The following LYST variants were observed in gnomAD, a reference collection of about 807,000 sequenced individuals.
LYST encodes lysosomal-trafficking regulator.
LYST carries 192 observed loss-of-function variants against 413.6 expected under a neutral mutation model. The ratio of observed to expected loss-of-function variants is 0.46; its 90% confidence interval spans 0.41 to 0.52. The LOEUF is 0.52. LYST is among the 20% of genes least tolerant of loss of function. LYST has a pLI of 0.00. For missense variants in LYST, 3,815 were observed against 4,499.9 expected (o/e 0.85, Z 4.35); for synonymous variants, 1,525 against 1,567.3 (o/e 0.97, Z 0.64).
chr1:235,690,243 T>C (rs1026163393), intron 47 of LYST, among the ~76,000 whole-genome samples: 21 of 152,270 alleles, frequency 1.4e-4, no homozygotes, highest in African/African-American at 5.1e-4. Context: ...CAGTGTATTT[T>C]GACAGGTAGA....
chr1:235,751,144 A>C, intron 28 of LYST, 66 bp downstream of exon 28: 1 of 1,428,264 alleles, frequency 7.0e-7, no homozygotes, highest in Admixed American at 1.7e-5. Flanking sequence ...TGTGAATGGC[A>C]TAAGAACATA....
At chr1:235,738,111 G>C in intron 31 of LYST, 2 of 1,607,576 alleles carry the variant, frequency 1.2e-6, no homozygotes, top group Non-Finnish European at 1.7e-6. Flanking sequence ...CTGTGCCATC[G>C]GTATCTTAAT....
chr1:235,830,271 A>G lies in LYST; in HGVS notation c.147T>C (p.Gly49=), dbSNP rs1390414458. The G allele has an allele frequency of 2.5e-5, 41 of 1,613,854 alleles. No individual in the cohort carries two copies. The highest frequency in any genetic ancestry group is 1.6e-4 in the Middle Eastern group (1 of 6,084). ...MATLGQYLVH[G]RGFLLLTKLN... is the part of the protein sequence containing the mutation. ...GCTTGGTAAGTAATAGAAATCCTCGACCATGGACAAGGTACTGTCCAAGGG... is the reference window on the plus strand; with the variant it reads ...GCTTGGTAAGTAATAGAAATCCTCGGCCATGGACAAGGTACTGTCCAAGGG... The change falls in exon 3 of 53, where the codon GGT becomes GGC. Residue 49 remains glycine (G), a synonymous_variant. Coordinates refer to ENST00000389793, the MANE Select transcript of LYST (RefSeq NM_000081.4).
Position 235,864,927 on chromosome 1 carries a change from TCAAAA to T in LYST, c.-98+1911_-98+1915del, listed in dbSNP as rs551931074. 2.5e-4 allele frequency among the ~76,000 whole-genome samples: 38 copies of T among 152,156 alleles called. No homozygotes were observed. In the East Asian group the frequency reaches 7.1e-3, roughly 29 times the overall value. On this transcript the variant is annotated intron_variant, in intron 1 of 52. Coordinates refer to ENST00000389793, the MANE Select transcript of LYST (RefSeq NM_000081.4). ...CTGGGAGACAAAGTGAGATCCTGACTCAAAACTAAAAATAAAAGGTAAGGTTCTTT... is the reference window on the plus strand; with the variant it reads ...CTGGGAGACAAAGTGAGATCCTGACTCTAAAAATAAAAGGTAAGGTTCTTT...
intron 3 of LYST, chr1:235,827,536 T>A: frequency 1.0e-6 from 1 of 979,614 alleles, no homozygotes. Context: ...TATGATTTCA[T>A]CTTAAATGAT....
Position 235,806,542 on chromosome 1 carries a change from G to A in LYST, c.2594C>T (p.Ser865Leu). The A allele has an allele frequency of 6.2e-7, 1 of 1,614,072 alleles. No individual in the cohort carries two copies. The highest frequency in any genetic ancestry group is 8.5e-7 in the Non-Finnish European group (1 of 1,179,972). Residue 865 changes from serine to leucine, a missense_variant, in exon 6 of 53, where the codon TCA becomes TTA. Physicochemically the swap from Ser to Leu is moderately radical, Grantham distance 145. Transcript: ENST00000389793. ...TTTGCTGAGACTCTGAGGAGAATCTGAATAAGCTTGCTGATGATGAAAAGA... is the reference window on the plus strand; with the variant it reads ...TTTGCTGAGACTCTGAGGAGAATCTAAATAAGCTTGCTGATGATGAAAAGA... ...GTSFHHQQAY[S>L]DSPQSLSKFY...
intron 19 of LYST, among the ~76,000 whole-genome samples, chr1:235,771,977 C>A (rs1003467928): frequency 1.0e-4 from 13 of 126,834 alleles, no homozygotes; most frequent in African/African-American, 3.9e-4. Context: ...TATCCCAGCA[C>A]TTTGGGAGGC....
chr1:235,843,153 A>G (rs1677408830), intron 1 of LYST, among the ~76,000 whole-genome samples: 1 of 151,866 alleles, frequency 6.6e-6, no homozygotes. Flanking sequence ...TTCCTTTTCA[A>G]TAAATATCAA....
chr1:235,719,197 T>C (rs368951917), intron 40 of LYST, among the ~76,000 whole-genome samples: 4 of 152,212 alleles, frequency 2.6e-5, no homozygotes, highest in African/African-American at 9.6e-5. Context: ...TTTGTATTTT[T>C]AATAGAGTTA....
intron 1 of LYST, among the ~76,000 whole-genome samples, chr1:235,845,086 C>T (rs1030032068): frequency 3.9e-5 from 6 of 152,082 alleles, no homozygotes; most frequent in African/African-American, 1.4e-4. Flanking sequence ...CCAGCAATCC[C>T]GAGAGGACCC....
At chr1:235,709,739 A>T (rs370036687) in intron 43 of LYST, among the ~76,000 whole-genome samples, 1 of 150,138 alleles carries the variant, frequency 6.7e-6, no homozygotes, top group East Asian at 1.9e-4. Context: ...AATAAATTTA[A>T]GATTATATTT....
rs146041973 is a variant in LYST at position 235,807,018 on chromosome 1, A to G, written c.2364-246T>C. ...TGGCTCCAGCAGTATCTAAAAAGAA[A>G]AGATTGCCTGTCCCACATTAAATGA... On this transcript the variant is annotated intron_variant, in intron 5 of 52. Transcript: ENST00000389793. Among the ~76,000 whole-genome samples the G allele has an allele frequency of 7.4e-3, 1,123 of 152,268 alleles. 13 individuals carry two copies. Among genetic ancestry groups the G allele is most frequent in the African/African-American group, 0.026 (1,069 of 41,544 alleles).
At chr1:235,831,770 T>TA (rs1218285594) in intron 2 of LYST, among the ~76,000 whole-genome samples, 1 of 152,214 alleles carries the variant, frequency 6.6e-6, no homozygotes, top group African/African-American at 2.4e-5. Flanking sequence ...CAATAACCTC[T>TA]ATTATATATT....
chr1:235,690,018 A>G (rs919026574), intron 47 of LYST, among the ~76,000 whole-genome samples: 4 of 152,218 alleles, frequency 2.6e-5, no homozygotes, highest in Admixed American at 2.6e-4. Flanking sequence ...CTAATGTAAC[A>G]GTACCCAACT....
chr1:235,701,833 G>C (rs1379535256), intron 45 of LYST, among the ~76,000 whole-genome samples: 1 of 152,156 alleles, frequency 6.6e-6, no homozygotes, highest in Non-Finnish European at 1.5e-5. Context: ...AATTTCACTG[G>C]TGGAATAAGT....
At chr1:235,695,779 C>G (rs1051096847) in intron 46 of LYST, among the ~76,000 whole-genome samples, 1 of 151,810 alleles carries the variant, frequency 6.6e-6, no homozygotes, top group Non-Finnish European at 1.5e-5. Context: ...ACTACAGGAG[C>G]CCGCCACCAC....
intron 1 of LYST, among the ~76,000 whole-genome samples, chr1:235,844,798 T>C (rs1677603636): frequency 6.6e-6 from 1 of 152,178 alleles, no homozygotes. Flanking sequence ...CTTGTTCAGA[T>C]TAATATAATT....
chr1:235,881,103 C>T (rs757091601), intron 1 of LYST, among the ~76,000 whole-genome samples: 1 of 152,156 alleles, frequency 6.6e-6, no homozygotes, highest in Non-Finnish European at 1.5e-5. Flanking sequence ...ACTGGGGTTC[C>T]TAACTCCAAA....
At chr1:235,698,902 C>T (rs1034192037) in intron 45 of LYST, among the ~76,000 whole-genome samples, 1 of 151,796 alleles carries the variant, frequency 6.6e-6, no homozygotes, top group African/African-American at 2.4e-5. Context: ...CAAAAAAAAT[C>T]AACAAATAAA....
Sources: allele counts gnomAD v4.1 joint callset (sites outside exome capture counted in the v4.1 genomes callset), GRCh38; gene constraint gnomAD v4.1.1; transcripts MANE v1.5; gene names NCBI Gene and HGNC (gene_info 2026-07-23, HGNC 2026-07-21).